PCSK5: variants seen among roughly 807,000 people sequenced by gnomAD.
PCSK5 encodes the protein proprotein convertase subtilisin/kexin type 5, also known as prohormone convertase 5.
PCSK5 carries 129 observed loss-of-function variants against 233.2 expected under a neutral mutation model. The observed-to-expected ratio is 0.55, with a 90% CI of 0.48 to 0.64. PCSK5 has a LOEUF of 0.64. Among genes scored for constraint, PCSK5 ranks in the 30% least tolerant of loss-of-function variants. The probability of loss-of-function intolerance (pLI) is 0.00; values close to 1 mark genes in which losing one functional copy is unlikely to be tolerated. For missense variants in PCSK5, 2,076 were observed against 2,430.1 expected, an observed-to-expected ratio of 0.85 and a Z score of 3.06; for synonymous variants, 825 against 879.2, an observed-to-expected ratio of 0.94 and a Z score of 1.09.
chr9:76,239,695 C>CAAAAAAAAA (rs61703191), intron 23 of PCSK5, among the ~76,000 whole-genome samples: 2 of 111,138 alleles, frequency 1.8e-5, no homozygotes, highest in Admixed American at 8.8e-5. Context: ...GACTCCATCT[C>CAAAAAAAAA]AAAAAAAAAA....
At chr9:76,313,611 T>C (rs1382731177) in intron 30 of PCSK5, among the ~76,000 whole-genome samples, 1 of 152,130 alleles carries the variant, frequency 6.6e-6, no homozygotes, top group Non-Finnish European at 1.5e-5. Flanking sequence ...GGCTGGAGAA[T>C]TGCTTGAGCC....
At chr9:75,941,471 A>C (rs1824300464) in intron 2 of PCSK5, among the ~76,000 whole-genome samples, 1 of 152,040 alleles carries the variant, frequency 6.6e-6, no homozygotes, top group Non-Finnish European at 1.5e-5. Flanking sequence ...CTGAGAATGC[A>C]CTGTATTCTT....
chr9:76,263,006 C>G (rs967478258), intron 24 of PCSK5, among the ~76,000 whole-genome samples: 9 of 151,864 alleles, frequency 5.9e-5, no homozygotes, highest in African/African-American at 2.2e-4. Context: ...ACATTTATGC[C>G]ACCAAAAAAC....
intron 8 of PCSK5, 143 bp from the exon 9 acceptor site, chr9:76,107,108 T>G (rs987826118): frequency 3.7e-6 from 2 of 538,742 alleles, no homozygotes; most frequent in African/African-American, 3.8e-5. Context: ...GGAAGTGATA[T>G]GATTTACAGG....
At chr9:76,301,854 A>G (rs1159355749) in intron 27 of PCSK5, among the ~76,000 whole-genome samples, 1 of 151,968 alleles carries the variant, frequency 6.6e-6, no homozygotes, top group Non-Finnish European at 1.5e-5. Context: ...GAAAAAAAAA[A>G]TGATGTTTAC....
At chr9:76,122,168 C>A (rs1031975353) in intron 9 of PCSK5, among the ~76,000 whole-genome samples, 2 of 151,948 alleles carry the variant, frequency 1.3e-5, no homozygotes, top group Admixed American at 6.6e-5. Flanking sequence ...TTAGTGTTTT[C>A]TTCTTATTTT....
At chr9:76,050,573 G>A (rs1028411985) in intron 5 of PCSK5, among the ~76,000 whole-genome samples, 6 of 152,178 alleles carry the variant, frequency 3.9e-5, no homozygotes, top group African/African-American at 1.4e-4. Flanking sequence ...GGAGGAAGTT[G>A]CTTAGATTGC....
intron 2 of PCSK5, among the ~76,000 whole-genome samples, chr9:75,963,876 C>T (rs1288145380): frequency 6.6e-6 from 1 of 151,834 alleles, no homozygotes; most frequent in Non-Finnish European, 1.5e-5. Context: ...GAGACTTCGT[C>T]TCAAAAAAAT....
intron 20 of PCSK5, chr9:76,195,294 T>G (rs1168726352): frequency 1.3e-5 from 2 of 152,166 alleles, no homozygotes; most frequent in Non-Finnish European, 2.9e-5. Flanking sequence ...AAAACCGAAT[T>G]TGCCTGCAAA....
At chr9:75,942,471 G>A (rs1824356294) in intron 2 of PCSK5, among the ~76,000 whole-genome samples, 2 of 152,170 alleles carry the variant, frequency 1.3e-5, no homozygotes, top group African/African-American at 4.8e-5. Flanking sequence ...ATGTACCACG[G>A]TGGGGGCTCA....
At chr9:76,185,321 A>G (rs1486980105) in intron 17 of PCSK5, among the ~76,000 whole-genome samples, 1 of 152,230 alleles carries the variant, frequency 6.6e-6, no homozygotes, top group Non-Finnish European at 1.5e-5. Context: ...TAAGAGAACA[A>G]TGTACAGCTC....
intron 1 of PCSK5, among the ~76,000 whole-genome samples, chr9:75,899,029 G>T (rs1825918461): frequency 6.6e-6 from 1 of 152,172 alleles, no homozygotes; most frequent in Non-Finnish European, 1.5e-5. Context: ...TGTTGGCAAT[G>T]ATTATTGGTA....
chr9:76,146,653 A>G (rs903916211), intron 10 of PCSK5, among the ~76,000 whole-genome samples: 2 of 151,996 alleles, frequency 1.3e-5, no homozygotes, highest in African/African-American at 4.8e-5. Context: ...TGATTTCCTC[A>G]TATGTTTTCC....
chr9:75,962,070 G>A (rs1448797230), intron 2 of PCSK5, among the ~76,000 whole-genome samples: 2 of 152,172 alleles, frequency 1.3e-5, no homozygotes, highest in African/African-American at 4.8e-5. Flanking sequence ...AACCAGCATG[G>A]ATTGGGATTG....
At chr9:76,046,596 T>C (rs1265307860) in intron 5 of PCSK5, among the ~76,000 whole-genome samples, 3 of 144,372 alleles carry the variant, frequency 2.1e-5, no homozygotes, top group Non-Finnish European at 4.5e-5. Context: ...AGTGTGGCTC[T>C]GTTGCCCAGG....
chr9:76,041,132 T>A (rs1034032900), intron 5 of PCSK5, among the ~76,000 whole-genome samples: 10 of 152,212 alleles, frequency 6.6e-5, no homozygotes, highest in African/African-American at 2.4e-4. Context: ...TTTTAAAATC[T>A]TATTTACGTG....
At chr9:76,121,328 T>C (rs1019268075) in intron 9 of PCSK5, among the ~76,000 whole-genome samples, 8 of 152,164 alleles carry the variant, frequency 5.3e-5, no homozygotes, top group African/African-American at 1.9e-4. Context: ...CTTATATTTA[T>C]GAATCAGATT....
rs1340521847 is a variant in PCSK5 at position 76,063,911 on chromosome 9, C to T, written c.633-4044C>T. On this transcript the variant is annotated intron_variant, in intron 5 of 37. Transcript: ENST00000674117. The stretch of plus-strand genomic sequence containing the variant: ...TCACTTCCCAGTAGGGGCAGCTGGG[C>T]AGAGGCGCCCCTCACCTCCCAGACG... 3.0e-5 allele frequency among the ~76,000 whole-genome samples: 2 copies of T among 66,316 alleles called. 1 individual carries two copies. Among genetic ancestry groups the T allele is most frequent in the African/African-American group, 2.4e-4 (2 of 8,418 alleles). The allele number at this position is 66,316 out of a possible 152,430, so 43.5% of individuals were successfully genotyped here. A position where few individuals can be genotyped will look rare whatever the true frequency, so the allele number is the denominator to read the frequency against.
intron 14 of PCSK5, chr9:76,175,330 T>C (rs45624942): frequency 5.6e-5 from 31 of 555,956 alleles, no homozygotes; most frequent in East Asian, 3.4e-4. Context: ...CAGAATAGAA[T>C]AGAACAGAAC....
Sources: gnomAD v4.1 joint callset for allele counts (sites outside exome capture counted in the v4.1 genomes callset) on GRCh38, gnomAD v4.1.1 for gene constraint, MANE v1.5 for transcripts, NCBI Gene and HGNC (gene_info 2026-07-23, HGNC 2026-07-21) for gene names.